ELN: variants seen among roughly 807,000 people sequenced by gnomAD.
ELN encodes elastin.
Under a neutral mutation model 105.8 loss-of-function variants are expected in ELN, and 65 were observed. The observed-to-expected ratio is 0.61, with a 90% CI of 0.50 to 0.75. The LOEUF is 0.75. ELN is among the 30% of genes least tolerant of loss of function. The pLI, the probability that ELN is intolerant of heterozygous loss-of-function variation, is 0.00. For missense variants in ELN, 882 were observed against 969.4 expected (o/e 0.91, Z 1.20); for synonymous variants, 368 against 389.2 (o/e 0.95, Z 0.64).
chr7:74,043,371 G>A lies in ELN; in HGVS notation c.427+203G>A, dbSNP rs28763982. 0.04 allele frequency: 31,434 copies of A among 792,022 alleles called. 732 individuals are homozygous for A. Among genetic ancestry groups the A allele is most frequent in the South Asian group, 0.055 (3,682 of 66,770 alleles). The allele number at this position is 792,022 out of a possible 1,614,324, so 49.1% of individuals were successfully genotyped here. The stretch of plus-strand genomic sequence containing the variant: ...GGCCCACTTCCCGGGCCCTTCTCCC[G>A]GGATCTTGGGGTAGAAAGAGACGGG... On this transcript the variant is annotated intron_variant, in intron 8 of 32. Coordinates refer to ENST00000252034, the MANE Select transcript of ELN (RefSeq NM_000501.4).
Position 74,041,223 on chromosome 7 carries a change from A to C in ELN, c.204A>C (p.Gly68=). 1.2e-6 allele frequency: 2 copies of C among 1,613,930 alleles called. No homozygotes were observed. Among genetic ancestry groups the C allele is most frequent in the Non-Finnish European group, 1.7e-6 (2 of 1,179,886 alleles). ...PGGKPLKPVP[G]GLAGAGLGAG... ...TCTGTTTCTTATCCACAGTTCCCGG[A>C]GGGCTTGCGGGTGCTGGCCTTGGGG... Residue 68 remains glycine, a synonymous_variant, in exon 5 of 33, where the codon GGA becomes GGC. Coordinates refer to ENST00000252034, the MANE Select transcript of ELN (RefSeq NM_000501.4).
intron 4 of ELN, 40 bp downstream of exon 4, chr7:74,037,779 G>T (rs371258256): frequency 8.1e-6 from 13 of 1,604,432 alleles, no homozygotes; most frequent in Non-Finnish European, 1.1e-5. Context: ...GACAGCGAGG[G>T]AGCTGGGGAG....
chr7:74,040,196 C>T (rs1790869261), intron 4 of ELN, among the ~76,000 whole-genome samples: 1 of 152,250 alleles, frequency 6.6e-6, no homozygotes, highest in East Asian at 1.9e-4. Flanking sequence ...AGCTTCCCCT[C>T]CCAGCCCCTC....
intron 22 of ELN, among the ~76,000 whole-genome samples, chr7:74,058,659 A>G (rs1554682016): frequency 6.6e-6 from 1 of 152,162 alleles, no homozygotes; most frequent in African/African-American, 2.4e-5. Context: ...CCCGGCCTGC[A>G]GTACTTCTTG....
rs782779433 is a variant in ELN, at chr7:74,036,620, G to T, written c.163+36G>T. 7 of 1,613,880 alleles carry T rather than the reference G, an allele frequency of 4.3e-6. No individual in the cohort carries two copies. In the South Asian group the frequency reaches 7.7e-5, roughly 18 times the overall value. ...AAACCACACTTGTTCATCACTGAAAGGGCCTGGGTTTCACCCGAGCCACAT... is the reference window on the plus strand; with the variant it reads ...AAACCACACTTGTTCATCACTGAAATGGCCTGGGTTTCACCCGAGCCACAT... On this transcript the variant is annotated intron_variant, in intron 3 of 32. Coordinates refer to ENST00000252034, the MANE Select transcript of ELN (RefSeq NM_000501.4).
At chr7:74,037,893 C>G (rs1790354775) in intron 4 of ELN, 154 bp downstream of exon 4, 2 of 1,158,092 alleles carry the variant, frequency 1.7e-6, no homozygotes, top group Non-Finnish European at 2.5e-6. Flanking sequence ...ATTAGCCTCC[C>G]AAGGATGAGT....
In ELN at chr7:74,067,721, C is replaced by T. The variant is rs188951167; in HGVS notation, c.2132-936C>T. Among the ~76,000 whole-genome samples the T allele has an allele frequency of 8.5e-3, 1,276 of 150,454 alleles. 33 individuals carry two copies. Among genetic ancestry groups the T allele is most frequent in the Admixed American group, 0.043 (646 of 15,112 alleles). ...GAGCTTGCAGTGAGCCGAGATTGCG[C>T]CACTGCACTCCAGCCTGGGCGGCAC... On this transcript the variant is annotated intron_variant, in intron 32 of 32. Coordinates refer to ENST00000252034, the MANE Select transcript of ELN (RefSeq NM_000501.4).
At chr7:74,028,705 C>T (rs201437549) in intron 1 of ELN, among the ~76,000 whole-genome samples, 5 of 152,302 alleles carry the variant, frequency 3.3e-5, no homozygotes, top group Admixed American at 6.5e-5. Flanking sequence ...CCAGCTCAAC[C>T]GCAGTGAGCT....
intron 2 of ELN, 110 bp from the exon 3 acceptor site, chr7:74,036,445 C>A: frequency 6.8e-7 from 1 of 1,477,556 alleles, no homozygotes; most frequent in Non-Finnish European, 9.4e-7. Flanking sequence ...CAGGTCTTGC[C>A]CAAGGTCACG....
chr7:74,038,655 A>T (rs1408681269), intron 4 of ELN, among the ~76,000 whole-genome samples: 2 of 152,154 alleles, frequency 1.3e-5, no homozygotes, highest in Non-Finnish European at 2.9e-5. Flanking sequence ...TCGGCATGAG[A>T]CGCTCCACAT....
intron 1 of ELN, among the ~76,000 whole-genome samples, chr7:74,032,614 G>A (rs1419799916): frequency 6.6e-6 from 1 of 152,226 alleles, no homozygotes. Context: ...TCAGGTTCAG[G>A]CATGAAGTTT....
In ELN at chr7:74,053,110, T is replaced by C. The variant is rs141475141; in HGVS notation, c.950-53T>C. 1.7e-4 allele frequency: 282 copies of C among 1,613,782 alleles called. No homozygotes were observed. In the African/African-American group the frequency reaches 3.3e-3, roughly 19 times the overall value. On this transcript the variant is annotated intron_variant, in intron 17 of 32. Coordinates refer to ENST00000252034, the MANE Select transcript of ELN (RefSeq NM_000501.4). ...TTCCATACTCTACTAACCACCCTTCTAGCCCCTCTGAGGTTCCCATAGGTT... is the reference window on the plus strand; with the variant it reads ...TTCCATACTCTACTAACCACCCTTCCAGCCCCTCTGAGGTTCCCATAGGTT...
intron 1 of ELN, among the ~76,000 whole-genome samples, chr7:74,029,248 G>T (rs1554660838): frequency 6.6e-6 from 1 of 152,098 alleles, no homozygotes; most frequent in African/African-American, 2.4e-5. Context: ...GCATGGAAAG[G>T]CGGGCTGGAG....
At chr7:74,028,582 C>G (rs564303756) in intron 1 of ELN, among the ~76,000 whole-genome samples, 1 of 152,276 alleles carries the variant, frequency 6.6e-6, no homozygotes, top group East Asian at 1.9e-4. Flanking sequence ...ATCAGAGCAT[C>G]CTGGGGGAGG....
chr7:74,031,865 G>GAAGGAAGA (rs1326446449), intron 1 of ELN, among the ~76,000 whole-genome samples: 15 of 109,874 alleles, frequency 1.4e-4, no homozygotes, highest in Admixed American at 3.8e-4. Context: ...AGGAAAGAAG[G>GAAGGAAGA]AAGGAAGGAA....
chr7:74,036,607 T>G, intron 3 of ELN, 23 bp downstream of exon 3: 2 of 1,614,068 alleles, frequency 1.2e-6, no homozygotes, highest in Non-Finnish European at 1.7e-6. Flanking sequence ...ACCACACTTG[T>G]TCATCACTGA....
At chr7:74,068,200 C>T (rs558625083) in intron 32 of ELN, among the ~76,000 whole-genome samples, 5 of 152,158 alleles carry the variant, frequency 3.3e-5, no homozygotes, top group Non-Finnish European at 5.9e-5. Flanking sequence ...GGATAAGACC[C>T]TCTCTCCCTC....
rs56075552 is a variant in ELN, at chr7:74,060,778, G to A, written c.1747+277G>A. ...AGCCTGCCCTCCAACCAGGGAAGGA[G>A]CAGGTAGATCAGCCTGGCTCCCCTT... On this transcript the variant is annotated intron_variant, in intron 25 of 32. Coordinates refer to ENST00000252034, the MANE Select transcript of ELN (RefSeq NM_000501.4). Among the ~76,000 whole-genome samples, 606 of 152,344 alleles carry A rather than the reference G, an allele frequency of 4.0e-3. 1 individual carries two copies. The highest frequency in any genetic ancestry group is 6.1e-3 in the Non-Finnish European group (412 of 68,038).
At position 74,043,176 on chromosome 7, in the gene ELN, C is replaced by T. The variant is rs55868272; in HGVS notation, c.427+8C>T. 21,104 of 1,586,356 alleles carry T rather than the reference C, an allele frequency of 0.013. 191 individuals carry two copies. Among genetic ancestry groups the T allele is most frequent in the South Asian group, 0.016 (1,406 of 88,050 alleles). On this transcript the variant is annotated splice_region_variant and intron_variant, in intron 8 of 32. Coordinates refer to ENST00000252034, the MANE Select transcript of ELN (RefSeq NM_000501.4). Reference sequence around the variant, plus strand: ...AGCCTGGGAAAGTGCCGGGTCAGTGCGGAATCCCTGGGGCTGGAGGACAGA... The same window carrying T: ...AGCCTGGGAAAGTGCCGGGTCAGTGTGGAATCCCTGGGGCTGGAGGACAGA...
Sources: gnomAD v4.1 joint callset for allele counts (sites outside exome capture counted in the v4.1 genomes callset) on GRCh38, gnomAD v4.1.1 for gene constraint, MANE v1.5 for transcripts, NCBI Gene and HGNC (gene_info 2026-07-23, HGNC 2026-07-21) for gene names.